HMGA2: variants seen among roughly 807,000 people sequenced by gnomAD.
HMGA2 encodes the protein high mobility group protein HMGI-C.
Under a neutral mutation model 19.1 loss-of-function variants are expected in HMGA2, and 8 were observed. The ratio of observed to expected loss-of-function variants is 0.42; its 90% CI spans 0.25 to 0.76. HMGA2 has a LOEUF of 0.76. Ranked by LOEUF, HMGA2 falls within the 30% of genes least tolerant of loss-of-function variation. The pLI is 0.28. For synonymous variants in HMGA2, 60 were observed against 48.8 expected (o/e 1.23, Z -0.96); for missense variants, 109 against 136.3 (o/e 0.80, Z 1.00).
chr12:65,853,765 C>T (rs1871592262), intron 3 of HMGA2, among the ~76,000 whole-genome samples: 1 of 152,178 alleles, frequency 6.6e-6, no homozygotes, highest in African/African-American at 2.4e-5. Context: ...GTGCTTGGCG[C>T]ATCGTGAGTG....
intron 3 of HMGA2, chr12:65,857,975 G>T (rs1425593639): frequency 6.5e-6 from 1 of 152,692 alleles, no homozygotes; most frequent in Non-Finnish European, 1.5e-5. Context: ...TCCATATATT[G>T]GAACTGTGAG....
chr12:65,923,389 G>GA (rs1875389985), intron 3 of HMGA2, among the ~76,000 whole-genome samples: 1 of 152,140 alleles, frequency 6.6e-6, no homozygotes, highest in African/African-American at 2.4e-5. Context: ...TGAGGAAGTG[G>GA]AATGTTTCTT....
chr12:65,869,989 T>C (rs762046441), intron 3 of HMGA2, among the ~76,000 whole-genome samples: 7 of 151,638 alleles, frequency 4.6e-5, no homozygotes, highest in Non-Finnish European at 1.0e-4. Context: ...CACTTAGCTT[T>C]AGGATTAAAA....
At chr12:65,865,007 CA>C (rs919913924) in intron 3 of HMGA2, among the ~76,000 whole-genome samples, 1 of 152,184 alleles carries the variant, frequency 6.6e-6, no homozygotes, top group African/African-American at 2.4e-5. Context: ...CCTGAAACAG[CA>C]AGACCAACCC....
In HMGA2 at chr12:65,825,188, C is replaced by T. The variant is rs1036687271; in HGVS notation, c.-83C>T. Reference sequence around the variant, plus strand: ...CCGCCGGCGTCCCCAGCCCTATCACCTCATCTCCCGAAAGGTGCTGGGCAG... The same window carrying T: ...CCGCCGGCGTCCCCAGCCCTATCACTTCATCTCCCGAAAGGTGCTGGGCAG... On this transcript the variant is annotated 5_prime_UTR_variant, in exon 1 of 5. Transcript: ENST00000403681. The surrounding 1 kb of genome is among the most constrained non-coding windows in gnomAD (Gnocchi z 4.4). 8.7e-6 allele frequency: 11 copies of T among 1,261,892 alleles called. No homozygotes were observed. Among genetic ancestry groups the T allele is most frequent in the Non-Finnish European group, 1.2e-5 (11 of 914,438 alleles). 78.2% of individuals were successfully genotyped at this position (1,261,892 alleles called of 1,614,324 possible).
chr12:65,886,188 A>G (rs1873647945), intron 3 of HMGA2, among the ~76,000 whole-genome samples: 1 of 152,164 alleles, frequency 6.6e-6, no homozygotes, highest in African/African-American at 2.4e-5. Context: ...CACCATTCTT[A>G]AAAACTGTTC....
At position 65,963,574 on chromosome 12, in the gene HMGA2, G is replaced by T; in HGVS notation, c.*282G>T. The T allele has an allele frequency of 2.1e-6, 1 of 467,820 alleles. No individual in the cohort carries two copies. The highest frequency in any genetic ancestry group is 3.8e-6 in the Non-Finnish European group (1 of 262,388). 29.0% of individuals were successfully genotyped at this position (467,820 alleles called of 1,614,324 possible). A position where few individuals can be genotyped will look rare whatever the true frequency, so the allele number is the denominator to read the frequency against. ...CTTAACAATGCAACTTTTAATTACT[G>T]TTTTCTTTTTTCTTAACCTACTAAT... On this transcript the variant is annotated 3_prime_UTR_variant, in exon 5 of 5. Transcript: ENST00000403681.
At chr12:65,859,232 A>G (rs1442553274) in intron 3 of HMGA2, 2 of 152,226 alleles carry the variant, frequency 1.3e-5, no homozygotes, top group African/African-American at 2.4e-5. Context: ...GTAACTATCA[A>G]TAGCACCCCT....
intron 3 of HMGA2, among the ~76,000 whole-genome samples, chr12:65,913,883 C>T (rs1452306157): frequency 6.6e-6 from 1 of 152,210 alleles, no homozygotes. Context: ...TTATACTCTC[C>T]TCTACATCAG....
rs746670180 is a variant in HMGA2 at position 65,867,540 on chromosome 12, C to T, written c.249+28971C>T. Reference sequence around the variant, plus strand: ...CATAAAGGAATGAGAAGACCAAAACCGTATCCTCATGATACTGACAAATCA... The same window carrying T: ...CATAAAGGAATGAGAAGACCAAAACTGTATCCTCATGATACTGACAAATCA... On this transcript the variant is annotated intron_variant, in intron 3 of 4. Transcript: ENST00000403681. 25 of 453,148 alleles carry T rather than the reference C, an allele frequency of 5.5e-5. No individual in the cohort carries two copies. The East Asian group carries it at 5.6e-4, about 10-fold the overall frequency. The allele number at this position is 453,148 out of a possible 1,614,324, so 28.1% of individuals were successfully genotyped here. A position where few individuals can be genotyped will look rare whatever the true frequency, so the allele number is the denominator to read the frequency against.
intron 3 of HMGA2, among the ~76,000 whole-genome samples, chr12:65,939,226 C>T (rs1430528957): frequency 1.3e-5 from 2 of 152,168 alleles, no homozygotes; most frequent in East Asian, 1.9e-4. Flanking sequence ...ATGCTCTGCT[C>T]AATGTTTGTA....
chr12:65,842,267 T>C (rs760247986), intron 3 of HMGA2: 1 of 569,596 alleles, frequency 1.8e-6, no homozygotes, highest in Non-Finnish European at 3.2e-6. Flanking sequence ...ATATTTCTCA[T>C]AGAGTTGTAA....
intron 3 of HMGA2, among the ~76,000 whole-genome samples, chr12:65,877,748 C>A (rs774167582): frequency 6.6e-6 from 1 of 151,466 alleles, no homozygotes; most frequent in East Asian, 1.9e-4. Flanking sequence ...TTATCTCCCA[C>A]GTCAATGGAG....
intron 3 of HMGA2, among the ~76,000 whole-genome samples, chr12:65,917,141 G>C (rs1875130880): frequency 6.6e-6 from 1 of 152,118 alleles, no homozygotes; most frequent in Non-Finnish European, 1.5e-5. Flanking sequence ...GAAAAGATGG[G>C]CTAGGAGCCC....
At chr12:65,931,551 TTG>T (rs60877869) in intron 3 of HMGA2, among the ~76,000 whole-genome samples, 19,772 of 143,966 alleles carry the variant, frequency 0.14, 1,427 homozygotes, top group Non-Finnish European at 0.18. Context: ...TTATAGATGT[TTG>T]TGTGTGTGTG....
chr12:65,911,977 A>G (rs1389167073), intron 3 of HMGA2, among the ~76,000 whole-genome samples: 2 of 151,812 alleles, frequency 1.3e-5, no homozygotes, highest in Non-Finnish European at 2.9e-5. Context: ...CTCTCTATGG[A>G]TCTGGCCATA....
intron 3 of HMGA2, among the ~76,000 whole-genome samples, chr12:65,884,421 T>C (rs980049342): frequency 7.9e-5 from 12 of 152,246 alleles, no homozygotes; most frequent in Non-Finnish European, 1.5e-4. Flanking sequence ...TGTATTTGCA[T>C]GCTCATGGCT....
intron 3 of HMGA2, among the ~76,000 whole-genome samples, chr12:65,888,788 C>T (rs1174659452): frequency 6.6e-6 from 1 of 150,922 alleles, no homozygotes; most frequent in Non-Finnish European, 1.5e-5. Flanking sequence ...TGGTCTCGAC[C>T]TCCTGACCTC....
chr12:65,851,431 C>T (rs547779992), intron 3 of HMGA2: 2 of 200,404 alleles, frequency 1.0e-5, no homozygotes, highest in East Asian at 3.4e-4. Flanking sequence ...CGGAGAATCA[C>T]TTGAACCTGG....
Sources: allele counts gnomAD v4.1 joint callset (sites outside exome capture counted in the v4.1 genomes callset), GRCh38; gene constraint gnomAD v4.1.1; non-coding constraint Gnocchi (gnomAD v3.1); transcripts MANE v1.5; gene names NCBI Gene and HGNC (gene_info 2026-07-23, HGNC 2026-07-21).